PPP3CA: variants seen among roughly 807,000 people sequenced by gnomAD.
PPP3CA encodes CAM-PRP catalytic subunit.
PPP3CA carries 14 observed loss-of-function variants against 66.5 expected under a neutral mutation model. The observed-to-expected ratio is 0.21, with a 90% confidence interval of 0.14 to 0.33. The LOEUF (loss-of-function observed/expected upper bound fraction) is 0.33. PPP3CA is among the 10% of genes least tolerant of loss of function. PPP3CA has a pLI of 1.00. For missense variants in PPP3CA, 317 were observed against 639.5 expected (o/e 0.50, Z 5.44); for synonymous variants, 232 against 226.2 (o/e 1.03, Z -0.23).
intron 3 of PPP3CA, among the ~76,000 whole-genome samples, chr4:101,104,004 T>C (rs1730553138): frequency 6.6e-6 from 1 of 152,174 alleles, no homozygotes; most frequent in Non-Finnish European, 1.5e-5. Flanking sequence ...TTGTGGGAAA[T>C]GATTTCTAAT....
At chr4:101,174,957 C>T (rs992290086) in intron 2 of PPP3CA, among the ~76,000 whole-genome samples, 1 of 152,036 alleles carries the variant, frequency 6.6e-6, no homozygotes, top group Non-Finnish European at 1.5e-5. Context: ...GGCACTATGG[C>T]TATAAAGGGG....
chr4:101,216,241 G>C (rs1184340623), intron 1 of PPP3CA, among the ~76,000 whole-genome samples: 3 of 152,042 alleles, frequency 2.0e-5, no homozygotes, highest in African/African-American at 7.2e-5. Flanking sequence ...CCCTGTAAGG[G>C]AAAATAGTAA....
In PPP3CA at chr4:101,266,858, T is replaced by C. The variant is rs141022545; in HGVS notation, c.59-70742A>G. Reference sequence around the variant, plus strand: ...TATAAAAGGAGAAAGTAAGTAGCAATTGCTCAATCATTATTGATTACTGAT... The same window carrying C: ...TATAAAAGGAGAAAGTAAGTAGCAACTGCTCAATCATTATTGATTACTGAT... On this transcript the variant is annotated intron_variant, in intron 1 of 13. Transcript: ENST00000394854. Among the ~76,000 whole-genome samples the C allele has an allele frequency of 6.8e-4, 103 of 152,326 alleles. 1 individual carries two copies. The highest frequency in any genetic ancestry group is 2.2e-3 in the African/African-American group (93 of 41,574).
At chr4:101,112,589 C>T (rs1721708982) in intron 2 of PPP3CA, among the ~76,000 whole-genome samples, 1 of 152,170 alleles carries the variant, frequency 6.6e-6, no homozygotes, top group Non-Finnish European at 1.5e-5. Context: ...CCCAACAAAA[C>T]AGTAACTCAA....
chr4:101,158,159 G>A (rs1364941055), intron 2 of PPP3CA: 1 of 152,072 alleles, frequency 6.6e-6, no homozygotes, highest in Non-Finnish European at 1.5e-5. Context: ...AAAGAAAGAA[G>A]AAAAACCCAC....
At chr4:101,144,499 A>C (rs934351517) in intron 2 of PPP3CA, among the ~76,000 whole-genome samples, 30 of 152,246 alleles carry the variant, frequency 2.0e-4, no homozygotes, top group African/African-American at 7.2e-4. Context: ...TGTCCTTCAA[A>C]ATCTTTATCA....
At chr4:101,252,049 T>A (rs1002732330) in intron 1 of PPP3CA, among the ~76,000 whole-genome samples, 8 of 152,182 alleles carry the variant, frequency 5.3e-5, no homozygotes, top group Non-Finnish European at 8.8e-5. Context: ...CCACGTGCCA[T>A]TACTAAAACT....
intron 1 of PPP3CA, among the ~76,000 whole-genome samples, chr4:101,285,615 GT>G (rs1727821886): frequency 7.0e-6 from 1 of 143,002 alleles, no homozygotes; most frequent in Non-Finnish European, 1.5e-5. Flanking sequence ...GTGTGTGTGT[GT>G]GTGTGTGTGT....
rs138700856 is a variant in PPP3CA at position 101,312,184 on chromosome 4, A to T, written c.58+34555T>A. ...AAACTGAATAATAAAGTAAATATACATGCATATATGTATTATATAATGCAT... is the reference window on the plus strand; with the variant it reads ...AAACTGAATAATAAAGTAAATATACTTGCATATATGTATTATATAATGCAT... On this transcript the variant is annotated intron_variant, in intron 1 of 13. Transcript: ENST00000394854. Among the ~76,000 whole-genome samples the T allele has an allele frequency of 1.5e-3, 232 of 152,306 alleles. 1 individual carries two copies. The highest frequency in any genetic ancestry group is 5.3e-3 in the African/African-American group (220 of 41,578).
chr4:101,322,191 T>C (rs867935455), intron 1 of PPP3CA, among the ~76,000 whole-genome samples: 1 of 152,138 alleles, frequency 6.6e-6, no homozygotes, highest in Non-Finnish European at 1.5e-5. Context: ...CGAAAATGCA[T>C]GAAAATCACT....
intron 1 of PPP3CA, among the ~76,000 whole-genome samples, chr4:101,292,040 T>C (rs1399576434): frequency 6.7e-6 from 1 of 150,096 alleles, no homozygotes; most frequent in Non-Finnish European, 1.5e-5. Context: ...AGTGGGAGGA[T>C]CACCTGAGCC....
At chr4:101,130,316 G>GA (rs1262306023) in intron 2 of PPP3CA, among the ~76,000 whole-genome samples, 4 of 152,064 alleles carry the variant, frequency 2.6e-5, no homozygotes, top group Non-Finnish European at 4.4e-5. Context: ...AACCAAGTTG[G>GA]AAAAAACAGT....
intron 1 of PPP3CA, among the ~76,000 whole-genome samples, chr4:101,303,627 A>G (rs1728447774): frequency 6.6e-6 from 1 of 152,198 alleles, no homozygotes; most frequent in South Asian, 2.1e-4. Context: ...ATTAACTTAT[A>G]TTCACAATGT....
intron 8 of PPP3CA, among the ~76,000 whole-genome samples, chr4:101,065,505 T>A (rs139842890): frequency 3.2e-4 from 49 of 152,238 alleles, no homozygotes; most frequent in African/African-American, 1.1e-3. Context: ...TATATAATAA[T>A]CCGCACAACA....
chr4:101,162,682 A>G (rs1723557415), intron 2 of PPP3CA, among the ~76,000 whole-genome samples: 1 of 152,108 alleles, frequency 6.6e-6, no homozygotes, highest in Non-Finnish European at 1.5e-5. Context: ...GATCCACTCA[A>G]AGAAATGGAG....
At chr4:101,308,432 A>T (rs141710488) in intron 1 of PPP3CA, among the ~76,000 whole-genome samples, 6 of 152,212 alleles carry the variant, frequency 3.9e-5, no homozygotes, top group African/African-American at 1.4e-4. Flanking sequence ...TGTTCACAAA[A>T]TCCCCTTACA....
chr4:101,277,613 A>G (rs1196598289), intron 1 of PPP3CA, among the ~76,000 whole-genome samples: 1 of 152,212 alleles, frequency 6.6e-6, no homozygotes, highest in South Asian at 2.1e-4. Context: ...CCTGTTAGAC[A>G]AAAATAGCCA....
intron 2 of PPP3CA, among the ~76,000 whole-genome samples, chr4:101,154,477 G>GA (rs1282758642): frequency 3.3e-5 from 5 of 152,060 alleles, no homozygotes; most frequent in African/African-American, 7.2e-5. Context: ...GTGGGATAAA[G>GA]AAAAAAATCT....
At chr4:101,268,395 G>A (rs1289276011) in intron 1 of PPP3CA, among the ~76,000 whole-genome samples, 2 of 152,062 alleles carry the variant, frequency 1.3e-5, no homozygotes, top group African/African-American at 2.4e-5. Flanking sequence ...ACAGTAATTC[G>A]TAGGCCTTCA....
Sources: gnomAD v4.1 joint callset for allele counts (sites outside exome capture counted in the v4.1 genomes callset) on GRCh38, gnomAD v4.1.1 for gene constraint, MANE v1.5 for transcripts, NCBI Gene and HGNC (gene_info 2026-07-23, HGNC 2026-07-21) for gene names.